The following NEGR1 variants were observed in gnomAD, a reference collection of about 807,000 sequenced individuals.
NEGR1 encodes IgLON family member 4.
In NEGR1, 10 loss-of-function variants were observed where a neutral mutation model predicts 40.9. The observed-to-expected ratio is 0.24, with a 90% CI of 0.15 to 0.42. NEGR1 has a LOEUF of 0.42. Ranked by LOEUF, NEGR1 falls within the 10% of genes least tolerant of loss-of-function variation. The probability of loss-of-function intolerance (pLI) is 1.00; values close to 1 mark genes in which losing one functional copy is unlikely to be tolerated. For missense variants in NEGR1, 352 were observed against 438.9 expected (o/e 0.80, Z 1.77); for synonymous variants, 185 against 166.8 (o/e 1.11, Z -0.84).
At chr1:71,542,911 T>A (rs1217304459) in intron 6 of NEGR1, among the ~76,000 whole-genome samples, 1 of 151,724 alleles carries the variant, frequency 6.6e-6, no homozygotes, top group Non-Finnish European at 1.5e-5. Context: ...ACTCTCAGAC[T>A]GACCTGAACA....
chr1:71,789,073 A>G (rs1223529498), intron 2 of NEGR1, among the ~76,000 whole-genome samples: 1 of 152,166 alleles, frequency 6.6e-6, no homozygotes, highest in African/African-American at 2.4e-5. Flanking sequence ...ATTTTTTGGA[A>G]TATGTTGTAG....
chr1:71,772,891 T>C (rs1656377282), intron 3 of NEGR1, among the ~76,000 whole-genome samples: 1 of 152,216 alleles, frequency 6.6e-6, no homozygotes, highest in African/African-American at 2.4e-5. Flanking sequence ...ATATTCTCTG[T>C]TTTATTTCTG....
intron 1 of NEGR1, among the ~76,000 whole-genome samples, chr1:71,990,931 T>C (rs1307605277): frequency 6.6e-6 from 1 of 150,780 alleles, no homozygotes; most frequent in Non-Finnish European, 1.5e-5. Flanking sequence ...TTTTTTTTAA[T>C]GACTAGAAGA....
chr1:71,413,678 G>A (rs1029050842), intron 6 of NEGR1, among the ~76,000 whole-genome samples: 1 of 152,034 alleles, frequency 6.6e-6, no homozygotes, highest in South Asian at 2.1e-4. Context: ...ACCTAATGAC[G>A]AGTTTGTTTT....
intron 2 of NEGR1, among the ~76,000 whole-genome samples, chr1:71,886,890 C>G (rs1237771802): frequency 6.6e-6 from 1 of 152,110 alleles, no homozygotes; most frequent in East Asian, 1.9e-4. Flanking sequence ...GTGCTAAGAA[C>G]AAGATTCCAT....
intron 5 of NEGR1, among the ~76,000 whole-genome samples, chr1:71,597,470 C>CTA (rs1365847832): frequency 4.0e-5 from 1 of 24,794 alleles, no homozygotes; most frequent in Non-Finnish European, 1.4e-4. Flanking sequence ...CTCTCTCTCT[C>CTA]TCTGTGTGTG....
rs1360566793 is a variant in NEGR1, at chr1:71,810,184, C to T, written c.410-33887G>A. Among the ~76,000 whole-genome samples the T allele has an allele frequency of 3.3e-5, 5 of 152,104 alleles. No individual in the cohort carries two copies. In the East Asian group the frequency reaches 9.6e-4, roughly 29 times the overall value. ...TTGGGGTAAGGCAGAGGTTAAGCTA[C>T]CCTTAACCTATGCTTTGGTTAAGCT... On this transcript the variant is annotated intron_variant, in intron 2 of 6. Transcript: ENST00000357731.
chr1:71,932,439 A>G (rs1470574235), intron 2 of NEGR1, among the ~76,000 whole-genome samples: 1 of 152,024 alleles, frequency 6.6e-6, no homozygotes, highest in East Asian at 1.9e-4. Context: ...ACAATTCCAG[A>G]TTAGAATGCG....
At chr1:71,470,607 A>G (rs1358898889) in intron 6 of NEGR1, among the ~76,000 whole-genome samples, 3 of 152,058 alleles carry the variant, frequency 2.0e-5, no homozygotes, top group Non-Finnish European at 4.4e-5. Context: ...TTACTGCCTG[A>G]TCCTTGTCAA....
intron 6 of NEGR1, among the ~76,000 whole-genome samples, chr1:71,445,070 C>A (rs1370812119): frequency 6.6e-6 from 1 of 152,024 alleles, no homozygotes; most frequent in African/African-American, 2.4e-5. Context: ...AATTTACAGA[C>A]AAAATAACTT....
chr1:71,939,639 G>A (rs2100241929), intron 1 of NEGR1, among the ~76,000 whole-genome samples: 1 of 152,210 alleles, frequency 6.6e-6, no homozygotes, highest in East Asian at 1.9e-4. Context: ...AGTAAGTGAA[G>A]AACTAAGCTA....
At chr1:72,111,051 A>G (rs934498620) in intron 1 of NEGR1, among the ~76,000 whole-genome samples, 1 of 149,754 alleles carries the variant, frequency 6.7e-6, no homozygotes, top group Non-Finnish European at 1.5e-5. Context: ...AATTACACTA[A>G]ATTTTTAGAT....
intron 3 of NEGR1, among the ~76,000 whole-genome samples, chr1:71,736,279 T>TTC (rs1655038022): frequency 6.6e-6 from 1 of 152,140 alleles, no homozygotes; most frequent in African/African-American, 2.4e-5. Context: ...TTGATGAATT[T>TTC]TATGTCTAAA....
chr1:71,645,476 G>C lies in NEGR1; in HGVS notation c.668-34330C>G, dbSNP rs540653421. Among the ~76,000 whole-genome samples the C allele has an allele frequency of 2.0e-4, 31 of 151,830 alleles. 2 individuals carry two copies. The South Asian group carries it at 6.0e-3, about 29-fold the overall frequency. ...CATTTGTTCATATAATATAGTCTTA[G>C]AAATACAACACACTCCTGAATAAGG... On this transcript the variant is annotated intron_variant, in intron 4 of 6. Coordinates refer to ENST00000357731, the MANE Select transcript of NEGR1 (RefSeq NM_173808.3).
chr1:72,080,629 T>C (rs879150213), intron 1 of NEGR1, among the ~76,000 whole-genome samples: 1 of 152,090 alleles, frequency 6.6e-6, no homozygotes, highest in Admixed American at 6.6e-5. Context: ...GCTGGTTAAG[T>C]TAAAATTATA....
intron 2 of NEGR1, among the ~76,000 whole-genome samples, chr1:71,810,602 T>C (rs1054155624): frequency 3.3e-5 from 5 of 152,182 alleles, no homozygotes; most frequent in Non-Finnish European, 7.3e-5. Flanking sequence ...AAACCTCATG[T>C]CGAATTATAA....
intron 2 of NEGR1, among the ~76,000 whole-genome samples, chr1:71,927,680 G>T (rs2101888921): frequency 6.6e-6 from 1 of 151,536 alleles, no homozygotes; most frequent in South Asian, 2.1e-4. Flanking sequence ...AGTACCTGGG[G>T]AATATAATGG....
intron 4 of NEGR1, among the ~76,000 whole-genome samples, chr1:71,660,946 C>T (rs1222520973): frequency 8.5e-5 from 13 of 152,112 alleles, no homozygotes; most frequent in Non-Finnish European, 1.6e-4. Flanking sequence ...TGAGAACATG[C>T]AGTGTTTGGT....
chr1:72,141,405 C>T (rs142823319), intron 1 of NEGR1, among the ~76,000 whole-genome samples: 2 of 151,848 alleles, frequency 1.3e-5, no homozygotes, highest in East Asian at 1.9e-4. Flanking sequence ...TAAAAAATAC[C>T]AAAATCATAC....
Sources: allele counts gnomAD v4.1 joint callset (sites outside exome capture counted in the v4.1 genomes callset), GRCh38; gene constraint gnomAD v4.1.1; transcripts MANE v1.5; gene names NCBI Gene and HGNC (gene_info 2026-07-23, HGNC 2026-07-21).